KRT74: variants seen among roughly 807,000 people sequenced by gnomAD.
KRT74 encodes keratin 74, also known as keratin, type II cytoskeletal 74.
A neutral mutation model predicts 42.7 loss-of-function variants in KRT74; 43 were observed. The ratio of observed to expected loss-of-function variants is 1.01; its 90% CI spans 0.79 to 1.30. The LOEUF (loss-of-function observed/expected upper bound fraction) is 1.30, where lower values mean the gene tolerates loss of function less well. Among genes scored for constraint, KRT74 ranks in the 50% most tolerant of loss-of-function variants. KRT74 has a pLI of 0.00. For synonymous variants in KRT74, 302 were observed against 279.0 expected (o/e 1.08, Z -0.82); for missense variants, 736 against 689.1 (o/e 1.07, Z -0.76).
intron 5 of KRT74, 58 bp downstream of exon 5, chr12:52,570,611 G>A: frequency 6.3e-7 from 1 of 1,577,134 alleles, no homozygotes; most frequent in Non-Finnish European, 8.7e-7. Flanking sequence ...TCACTGTGCA[G>A]GTGACCCCTC....
At position 52,573,346 on chromosome 12, in the gene KRT74, G is replaced by A; in HGVS notation, c.432C>T (p.Ile144=). 4 of 1,614,200 alleles carry A rather than the reference G, an allele frequency of 2.5e-6. No homozygotes were observed. Among genetic ancestry groups the A allele is most frequent in the Non-Finnish European group, 3.4e-6 (4 of 1,180,036 alleles). The change falls in exon 1 of 9, where the codon ATC becomes ATT. Residue 144 remains isoleucine, a synonymous_variant. Transcript: ENST00000305620. ...QKVRAQEREQ[I]KVLNDKFASF... is the part of the protein sequence containing the mutation. ...AGGCGAACTTGTCGTTCAGCACCTT[G>A]ATCTGTTCCCGCTCCTGGGCGCGCA...
chr12:52,572,391 G>A lies in KRT74; in HGVS notation c.686+62C>T, dbSNP rs528644840. The stretch of plus-strand genomic sequence containing the variant: ...ATCTCCTAAAAAATAATGGCACAGA[G>A]ATCAGGTGAGCCCAGAGGCACGGGA... On this transcript the variant is annotated intron_variant, in intron 2 of 8. Transcript: ENST00000305620. 3.8e-5 allele frequency: 59 copies of A among 1,552,522 alleles called. No homozygotes were observed. In the South Asian group the frequency reaches 5.9e-4, roughly 16 times the overall value.
chr12:52,567,206 T>C (rs1221456396), intron 8 of KRT74, 38 bp from the exon 9 acceptor site: 1 of 1,500,886 alleles, frequency 6.7e-7, no homozygotes, highest in Non-Finnish European at 9.0e-7. Context: ...AGAGGAGCAG[T>C]GTCAATCAGC....
intron 7 of KRT74, 47 bp from the exon 8 acceptor site, chr12:52,567,740 T>C: frequency 1.4e-6 from 2 of 1,415,684 alleles, no homozygotes; most frequent in South Asian, 1.2e-5. Flanking sequence ...GTGTCGAGAT[T>C]CCACTAAACA....
intron 3 of KRT74, 42 bp downstream of exon 3, chr12:52,571,902 G>C (rs564921635): frequency 2.3e-6 from 3 of 1,277,876 alleles, no homozygotes; most frequent in East Asian, 2.3e-5. Context: ...GTTAAGATGG[G>C]GGTGCGAGAG....
rs144355436 is a variant in KRT74 at position 52,568,976 on chromosome 12, C to T, written c.1135-587G>A. Among the ~76,000 whole-genome samples, 12 of 152,286 alleles carry T rather than the reference C, an allele frequency of 7.9e-5. No homozygotes were observed. In the East Asian group the frequency reaches 1.5e-3, roughly 20 times the overall value. On this transcript the variant is annotated intron_variant, in intron 6 of 8. Coordinates refer to ENST00000305620, the MANE Select transcript of KRT74 (RefSeq NM_175053.4). ...TCTGATGAACATCTGGGGGGCATTG[C>T]GATGCCTGTTGCTAACAGAGAGGGA...
At chr12:52,571,316 G>C (rs1939476748) in intron 4 of KRT74, 43 bp downstream of exon 4, 8 of 1,200,248 alleles carry the variant, frequency 6.7e-6, no homozygotes, top group Non-Finnish European at 1.0e-5. Flanking sequence ...GGAAGAGTCG[G>C]GAAGGAGGCA....
At chr12:52,567,727 T>C in intron 7 of KRT74, 34 bp from the exon 8 acceptor site, 1 of 1,565,100 alleles carries the variant, frequency 6.4e-7, no homozygotes, top group Non-Finnish European at 8.8e-7. Flanking sequence ...AGATAAAAAC[T>C]CAGTGTCGAG....
chr12:52,567,137 G>T lies in KRT74; in HGVS notation c.1422C>A (p.His474Gln), dbSNP rs939648593. Residue 474 changes from histidine (H) to glutamine (Q), a missense_variant, in exon 9 of 9, where the codon CAC (histidine) becomes CAA (glutamine). His to Gln is a conservative substitution (Grantham distance 24). Coordinates refer to ENST00000305620, the MANE Select transcript of KRT74 (RefSeq NM_175053.4). Reference sequence around the variant, plus strand: ...GGTCAACACCCGCAGAGCTGGGGTGGTGGTAGCTGTAGCTGCTACTGCTGA... The same window carrying T: ...GGTCAACACCCGCAGAGCTGGGGTGTTGGTAGCTGTAGCTGCTACTGCTGA... The part of the protein sequence containing the change: ...SVISSSSYSY[H>Q]HPSSAGVDLG... The T allele has an allele frequency of 3.1e-6, 5 of 1,605,272 alleles. No individual in the cohort carries two copies. The South Asian group carries it at 3.3e-5, about 11-fold the overall frequency.
At position 52,568,373 on chromosome 12, in the gene KRT74, G is replaced by A. The variant is rs550696981; in HGVS notation, c.1151C>T (p.Thr384Met). 2.8e-4 allele frequency: 457 copies of A among 1,614,198 alleles called. 2 individuals are homozygous for A. The highest frequency in any genetic ancestry group is 1.3e-3 in the Admixed American group (81 of 60,028). The change falls in exon 7 of 9, where the codon ACG (threonine) becomes ATG (methionine). Residue 384 changes from threonine to methionine, a missense_variant. Coordinates refer to ENST00000305620, the MANE Select transcript of KRT74 (RefSeq NM_175053.4). ...CCGCTGCTCAGCGTCAGCGATGGCC[G>A]TCTCCAGGCTGGCACGCTGAAGGGC... The part of the protein sequence containing the change: ...NVKKQRASLE[T>M]AIADAEQRGD...
intron 3 of KRT74, 36 bp downstream of exon 3, chr12:52,571,908 G>A (rs766786201): frequency 2.4e-5 from 33 of 1,360,488 alleles, no homozygotes; most frequent in Middle Eastern, 1.8e-4. Context: ...ATGGGGGTGC[G>A]AGAGACCCTA....
At chr12:52,572,217 C>T (rs573072320) in intron 2 of KRT74, among the ~76,000 whole-genome samples, 4 of 152,256 alleles carry the variant, frequency 2.6e-5, no homozygotes, top group African/African-American at 9.6e-5. Context: ...ATTGGGCTCC[C>T]GACACCAGCA....
At chr12:52,571,512 C>A in intron 3 of KRT74, 58 bp from the exon 4 acceptor site, 1 of 1,264,690 alleles carries the variant, frequency 7.9e-7, no homozygotes, top group Non-Finnish European at 1.2e-6. Context: ...AGCTGCCCTG[C>A]CCAACTCCTG....
rs567594397 is a variant in KRT74 at position 52,572,746 on chromosome 12, G to C, written c.472-79C>G. The C allele has an allele frequency of 7.6e-5, 100 of 1,319,078 alleles. No homozygotes were observed. In the African/African-American group the frequency reaches 1.1e-3, roughly 15 times the overall value. 81.7% of individuals were successfully genotyped at this position (1,319,078 alleles called of 1,614,324 possible). The stretch of plus-strand genomic sequence containing the variant: ...CTGGACACACACCATTGACTCCCCA[G>C]GTTTGCCATAGATTGTTGTAGTCAT... On this transcript the variant is annotated intron_variant, in intron 1 of 8. Transcript: ENST00000305620.
Position 52,570,695 on chromosome 12 carries a change from C to T in KRT74, c.982G>A (p.Glu328Lys), listed in dbSNP as rs113507817. Residue 328 changes from glutamate to lysine, a missense_variant, in exon 5 of 9, where the codon GAG becomes AAG. Physicochemically the swap from Glu to Lys is moderately conservative, Grantham distance 56. Transcript: ENST00000305620. ...YEEIALKSKA[E>K]AEALYQTKIQ... ...TTGGTCTGGTACAGGGCCTCGGCCT[C>T]GGCCTTGCTCTTCAGGGCGATCTCC... 22 of 1,614,238 alleles carry T rather than the reference C, an allele frequency of 1.4e-5. No individual in the cohort carries two copies. The highest frequency in any genetic ancestry group is 1.3e-4 in the African/African-American group (10 of 75,066).
Position 52,566,771 on chromosome 12 carries a change from A to G in KRT74, c.*198T>C. 2.1e-6 allele frequency: 1 copy of G among 472,538 alleles called. No homozygotes were observed. The highest frequency in any genetic ancestry group is 5.5e-4 in the Middle Eastern group (1 of 1,808). The allele number at this position is 472,538 out of a possible 1,614,324, so 29.3% of individuals were successfully genotyped here. Reference sequence around the variant, plus strand: ...GAGGAAAATGAGAAGTCGTTAGTCCACATGGGACCTAAGGAAACAGGGAAG... The same window carrying G: ...GAGGAAAATGAGAAGTCGTTAGTCCGCATGGGACCTAAGGAAACAGGGAAG... On this transcript the variant is annotated 3_prime_UTR_variant, in exon 9 of 9. Coordinates refer to ENST00000305620, the MANE Select transcript of KRT74 (RefSeq NM_175053.4).
chr12:52,573,070 G>C (rs1939515501), intron 1 of KRT74, among the ~76,000 whole-genome samples: 1 of 152,134 alleles, frequency 6.6e-6, no homozygotes, highest in African/African-American at 2.4e-5. Context: ...GTCAAGGAAG[G>C]GCTGCTCTTT....
In KRT74 at chr12:52,569,988, GT is replaced by G; in HGVS notation, c.1009-5del. The G allele has an allele frequency of 6.2e-7, 1 of 1,614,008 alleles. No homozygotes were observed. The highest frequency in any genetic ancestry group is 1.1e-5 in the South Asian group (1 of 91,076). On this transcript the variant is annotated splice_polypyrimidine_tract_variant and splice_region_variant and intron_variant, in intron 5 of 8. Coordinates refer to ENST00000305620, the MANE Select transcript of KRT74 (RefSeq NM_175053.4). ...CTGCCAGCTGCAGCTCCTGGATCTG[GT>G]TTCCCAGAGATAGGAAGTTGGTGAT...
intron 1 of KRT74, 70 bp downstream of exon 1, chr12:52,573,237 C>G: frequency 4.8e-6 from 7 of 1,445,796 alleles, no homozygotes; most frequent in Non-Finnish European, 6.8e-6. Context: ...AGTGTGCAGT[C>G]CATTCCCAGG....
Sources: allele counts gnomAD v4.1 joint callset (sites outside exome capture counted in the v4.1 genomes callset), GRCh38; gene constraint gnomAD v4.1.1; transcripts MANE v1.5; gene names NCBI Gene and HGNC (gene_info 2026-07-23, HGNC 2026-07-21).